ANKRD18A: variants seen among roughly 807,000 people sequenced by gnomAD.
The protein encoded by ANKRD18A is ankyrin repeat domain-containing protein 18A.
ANKRD18A carries 72 observed loss-of-function variants against 110.6 expected under a neutral mutation model. The observed-to-expected ratio is 0.65, with a 90% confidence interval of 0.54 to 0.79. The LOEUF (loss-of-function observed/expected upper bound fraction) is 0.79. ANKRD18A is among the 30% of genes least tolerant of loss of function. The probability of loss-of-function intolerance (pLI) is 0.00; values close to 1 mark genes in which losing one functional copy is unlikely to be tolerated. For missense variants in ANKRD18A, 934 were observed against 1,163.3 expected (o/e 0.80, Z 2.87); for synonymous variants, 305 against 410.3 (o/e 0.74, Z 3.10).
intron 12 of ANKRD18A, among the ~76,000 whole-genome samples, chr9:38,579,202 A>G (rs2118668268): frequency 6.6e-6 from 1 of 152,324 alleles, no homozygotes; most frequent in East Asian, 1.9e-4. Context: ...GAATCGATTG[A>G]AGACTGAAAT....
downstream of ANKRD18A, among the ~76,000 whole-genome samples, chr9:38,570,741 T>C (rs2381857): frequency 3.9e-5 from 6 of 152,068 alleles, no homozygotes; most frequent in Non-Finnish European, 5.9e-5. Flanking sequence ...GGGTCAGGCC[T>C]GGGGGGTTTT....
chr9:38,618,303 A>G (rs1249630880), intron 1 of ANKRD18A, among the ~76,000 whole-genome samples: 2 of 152,194 alleles, frequency 1.3e-5, no homozygotes, highest in South Asian at 2.1e-4. Context: ...ATTTTATCCT[A>G]TTTTGTGCAT....
downstream of ANKRD18A, chr9:38,567,706 C>T (rs1823515840): frequency 6.6e-6 from 1 of 152,318 alleles, no homozygotes; most frequent in African/African-American, 2.4e-5. Flanking sequence ...CAGTTCCTGG[C>T]TGGGCTGATT....
intron 3 of ANKRD18A, among the ~76,000 whole-genome samples, chr9:38,614,219 G>C (rs911661498): frequency 2.9e-5 from 2 of 68,804 alleles, no homozygotes; most frequent in African/African-American, 1.2e-4. Flanking sequence ...GAACACTGAG[G>C]TTTTTTTTTT....
In ANKRD18A at chr9:38,577,158, T is replaced by C. The variant is rs978583288; in HGVS notation, c.2636A>G (p.Lys879Arg). Residue 879 changes from lysine (K) to arginine (R), a missense_variant, in exon 14 of 16, where the codon AAA becomes AGA. Coordinates refer to ENST00000399703, the MANE Select transcript of ANKRD18A (RefSeq NM_147195.4). The part of the protein sequence containing the change: ...TLKDVECKFS[K>R]MKTAYEEVTT... ...AACCTCTTCATAAGCAGTTTTCATT[T>C]TGGAGAATTTACATTCCACATCTTT... 5.2e-6 allele frequency: 8 copies of C among 1,549,394 alleles called. No individual in the cohort carries two copies. The highest frequency in any genetic ancestry group is 2.5e-5 in the East Asian group (1 of 40,788).
At chr9:38,601,847 G>A (rs1825128006) in intron 7 of ANKRD18A, among the ~76,000 whole-genome samples, 1 of 151,996 alleles carries the variant, frequency 6.6e-6, no homozygotes, top group Non-Finnish European at 1.5e-5. Flanking sequence ...GCCAGGCATA[G>A]TGGTCTGTGC....
intron 10 of ANKRD18A, among the ~76,000 whole-genome samples, chr9:38,592,138 T>G (rs759415299): frequency 6.6e-6 from 1 of 152,204 alleles, no homozygotes; most frequent in Non-Finnish European, 1.5e-5. Context: ...TTAGACTAAT[T>G]GGTTTTAATT....
Position 38,618,789 on chromosome 9 carries a change from G to C in ANKRD18A, c.206+1291C>G, listed in dbSNP as rs1587553089. Among the ~76,000 whole-genome samples the C allele has an allele frequency of 3.9e-5, 6 of 151,912 alleles. No individual in the cohort carries two copies. In the South Asian group the frequency reaches 1.2e-3, roughly 32 times the overall value. On this transcript the variant is annotated intron_variant, in intron 1 of 15. Coordinates refer to ENST00000399703, the MANE Select transcript of ANKRD18A (RefSeq NM_147195.4). ...GCAAAAAGTGCTTTGCTCACTTCTAGAGTTCTTTTCTTGTGGATTTGATTG... is the reference window on the plus strand; with the variant it reads ...GCAAAAAGTGCTTTGCTCACTTCTACAGTTCTTTTCTTGTGGATTTGATTG...
intron 14 of ANKRD18A, 141 bp from the exon 15 acceptor site, chr9:38,575,839 G>A: frequency 1.3e-6 from 1 of 749,008 alleles, no homozygotes; most frequent in African/African-American, 1.8e-5. Context: ...ATGTGTGAGG[G>A]CATACCTCTT....
At chr9:38,611,014 G>T (rs10973931) in intron 4 of ANKRD18A, among the ~76,000 whole-genome samples, 5,967 of 152,034 alleles carry the variant, frequency 0.039, 402 homozygotes, top group African/African-American at 0.14. Context: ...TATAAGAGAA[G>T]ATGAATCCTA....
In ANKRD18A at chr9:38,620,097, G is replaced by A. The variant is rs995006060; in HGVS notation, c.189C>T (p.Ala63=). The change falls in exon 1 of 16, where the codon GCC becomes GCT. Residue 63 remains alanine (A), a synonymous_variant. Coordinates refer to ENST00000399703, the MANE Select transcript of ANKRD18A (RefSeq NM_147195.4). ...CLTRRFRDLD[A]RDRKDRTVLH... ...CGAGCTACCTGTCTTTTCTGTCGCG[G>A]GCGTCCAAGTCCCGGAACCTGCGCG... The A allele has an allele frequency of 3.2e-6, 5 of 1,554,154 alleles. No individual in the cohort carries two copies. Among genetic ancestry groups the A allele is most frequent in the Non-Finnish European group, 4.4e-6 (5 of 1,148,770 alleles).
At chr9:38,568,942 C>T (rs1587472456), downstream of ANKRD18A, 2 of 985,274 alleles carry the variant, frequency 2.0e-6, no homozygotes, top group South Asian at 4.7e-5. Flanking sequence ...CAGGGTTGTT[C>T]GGATGCCACG....
intron 1 of ANKRD18A, among the ~76,000 whole-genome samples, chr9:38,617,293 A>G (rs1825897545): frequency 6.6e-6 from 1 of 152,222 alleles, no homozygotes; most frequent in South Asian, 2.1e-4. Flanking sequence ...TACAAAAATT[A>G]GCTGGGTGCG....
At chr9:38,607,826 C>A (rs1825427849) in intron 5 of ANKRD18A, among the ~76,000 whole-genome samples, 1 of 152,196 alleles carries the variant, frequency 6.6e-6, no homozygotes, top group Non-Finnish European at 1.5e-5. Context: ...CTCTTAGCCT[C>A]CATGGCTTCT....
intron 10 of ANKRD18A, among the ~76,000 whole-genome samples, chr9:38,591,524 A>G (rs1824647922): frequency 6.6e-6 from 1 of 152,174 alleles, no homozygotes; most frequent in Non-Finnish European, 1.5e-5. Context: ...AGATTTGCTT[A>G]GAAGCACTTA....
intron 7 of ANKRD18A, among the ~76,000 whole-genome samples, 188 bp downstream of exon 7, chr9:38,602,971 C>T (rs1285458826): frequency 2.0e-5 from 3 of 152,172 alleles, no homozygotes; most frequent in African/African-American, 7.2e-5. Flanking sequence ...CCAGCAACAC[C>T]AATATTTTCA....
At chr9:38,569,061 C>T, downstream of ANKRD18A, 2 of 985,400 alleles carry the variant, frequency 2.0e-6, no homozygotes, top group Non-Finnish European at 2.4e-6. Context: ...GCATGCTGCC[C>T]TGGCTTCTTC....
intron 5 of ANKRD18A, among the ~76,000 whole-genome samples, chr9:38,607,865 C>T (rs554615902): frequency 1.3e-5 from 2 of 152,188 alleles, no homozygotes; most frequent in Admixed American, 6.5e-5. Flanking sequence ...TACTACTTGA[C>T]TTCACTAGGT....
chr9:38,606,079 C>G (rs1825341844), intron 6 of ANKRD18A, among the ~76,000 whole-genome samples: 1 of 152,154 alleles, frequency 6.6e-6, no homozygotes, highest in Admixed American at 6.5e-5. Flanking sequence ...AACATAACTT[C>G]TGCTTCTTGG....
Sources: gnomAD v4.1 joint callset for allele counts (sites outside exome capture counted in the v4.1 genomes callset) on GRCh38, gnomAD v4.1.1 for gene constraint, MANE v1.5 for transcripts, NCBI Gene and HGNC (gene_info 2026-07-23, HGNC 2026-07-21) for gene names.